CLTA: variants seen among roughly 807,000 people sequenced by gnomAD.
CLTA encodes clathrin light chain A, also known as clathrin, light polypeptide (Lca).
CLTA carries 9 observed loss-of-function variants against 26.9 expected under a neutral mutation model. The observed-to-expected ratio is 0.33, with a 90% CI of 0.20 to 0.58. CLTA has a LOEUF of 0.58. CLTA is among the 20% of genes least tolerant of loss of function. CLTA has a pLI of 0.85. For missense variants in CLTA, 278 were observed against 294.2 expected, an observed-to-expected ratio of 0.94 and a Z score of 0.40; for synonymous variants, 120 against 115.5, an observed-to-expected ratio of 1.04 and a Z score of -0.25.
intron 1 of CLTA, among the ~76,000 whole-genome samples, chr9:36,191,973 G>A (rs760080690): frequency 3.9e-5 from 6 of 152,196 alleles, no homozygotes; most frequent in Non-Finnish European, 7.3e-5. Flanking sequence ...ACCAATCAGG[G>A]AGGGATGAAG....
chr9:36,192,258 G>T (rs1004441000), intron 1 of CLTA, among the ~76,000 whole-genome samples: 1 of 152,192 alleles, frequency 6.6e-6, no homozygotes, highest in Non-Finnish European at 1.5e-5. Flanking sequence ...AGCCAGGTAG[G>T]TAACATATAC....
chr9:36,197,018 T>C (rs1404064432), intron 1 of CLTA, among the ~76,000 whole-genome samples: 1 of 152,008 alleles, frequency 6.6e-6, no homozygotes, highest in Non-Finnish European at 1.5e-5. Flanking sequence ...TACAAAAAAA[T>C]AGAAAAATTA....
At chr9:36,200,942 T>TA (rs1827367566) in intron 3 of CLTA, among the ~76,000 whole-genome samples, 1 of 152,232 alleles carries the variant, frequency 6.6e-6, no homozygotes, top group South Asian at 2.1e-4. Flanking sequence ...TGAGTATGCT[T>TA]AGAGGCAAGA....
At chr9:36,194,124 C>T (rs1303357448) in intron 1 of CLTA, among the ~76,000 whole-genome samples, 1 of 152,212 alleles carries the variant, frequency 6.6e-6, no homozygotes, top group African/African-American at 2.4e-5. Context: ...CTCCTGGGTT[C>T]AAGCAGTTAT....
intron 3 of CLTA, 126 bp from the exon 4 acceptor site, chr9:36,203,942 T>TC: frequency 3.0e-6 from 4 of 1,316,668 alleles, no homozygotes; most frequent in Non-Finnish European, 4.1e-6. Flanking sequence ...TCTACTCTTC[T>TC]CCCCCAACAG....
chr9:36,203,316 A>G (rs7036188), intron 3 of CLTA, among the ~76,000 whole-genome samples: 17,114 of 152,154 alleles, frequency 0.11, 1,074 homozygotes, highest in East Asian at 0.17. Context: ...ACTGTTAGCA[A>G]TGATCCCATA....
chr9:36,195,922 C>T (rs1238069719), intron 1 of CLTA, among the ~76,000 whole-genome samples: 1 of 151,706 alleles, frequency 6.6e-6, no homozygotes, highest in African/African-American at 2.4e-5. Flanking sequence ...AAGCCGAGAT[C>T]GCGCCAGTGT....
chr9:36,197,629 A>G, intron 2 of CLTA, 41 bp downstream of exon 2: 1 of 1,473,680 alleles, frequency 6.8e-7, no homozygotes, highest in Non-Finnish European at 9.4e-7. Context: ...AGTGATTGAG[A>G]ATCTTCCTTT....
At chr9:36,209,303 T>C in intron 4 of CLTA, 1 of 1,613,106 alleles carries the variant, frequency 6.2e-7, no homozygotes, top group East Asian at 2.2e-5. Context: ...AACCCTTCGC[T>C]GACGTGATTG....
intron 1 of CLTA, among the ~76,000 whole-genome samples, chr9:36,195,443 A>G (rs1826965739): frequency 6.6e-6 from 1 of 152,234 alleles, no homozygotes; most frequent in African/African-American, 2.4e-5. Context: ...AAAGAAGAAA[A>G]TCAGGTGTCG....
intron 3 of CLTA, among the ~76,000 whole-genome samples, chr9:36,200,028 C>T (rs746705958): frequency 3.3e-5 from 5 of 152,142 alleles, no homozygotes; most frequent in Non-Finnish European, 7.3e-5. Flanking sequence ...ATTTAATGTG[C>T]GTGGCCATCT....
chr9:36,195,562 C>T (rs1427795646), intron 1 of CLTA, among the ~76,000 whole-genome samples: 2 of 152,056 alleles, frequency 1.3e-5, no homozygotes, highest in Non-Finnish European at 2.9e-5. Context: ...TGATCAAGCA[C>T]AGTCCCTAGT....
chr9:36,192,990 T>G (rs1179597210), intron 1 of CLTA, among the ~76,000 whole-genome samples: 1 of 152,200 alleles, frequency 6.6e-6, no homozygotes, highest in Non-Finnish European at 1.5e-5. Flanking sequence ...TGCTCACGTT[T>G]GACAAAGAAA....
At chr9:36,197,873 C>A (rs936612193) in intron 2 of CLTA, among the ~76,000 whole-genome samples, 2 of 152,016 alleles carry the variant, frequency 1.3e-5, no homozygotes, top group Non-Finnish European at 2.9e-5. Context: ...AATACTAATA[C>A]TTTAAATAAT....
chr9:36,204,927 A>AGTC (rs1306158433), intron 4 of CLTA, among the ~76,000 whole-genome samples: 5 of 152,182 alleles, frequency 3.3e-5, no homozygotes, highest in Middle Eastern at 3.2e-3. Context: ...CTGAATAGTC[A>AGTC]ATCCATTCAC....
intron 3 of CLTA, among the ~76,000 whole-genome samples, chr9:36,203,078 C>G (rs544416137): frequency 2.0e-5 from 3 of 152,122 alleles, no homozygotes; most frequent in Non-Finnish European, 2.9e-5. Flanking sequence ...GATGATCCAC[C>G]TGCCTCGGCC....
At chr9:36,197,619 A>G (rs1827131242) in intron 2 of CLTA, 31 bp downstream of exon 2, 2 of 1,520,960 alleles carry the variant, frequency 1.3e-6, no homozygotes, top group East Asian at 2.3e-5. Context: ...GTTCATTGAT[A>G]GTGATTGAGA....
chr9:36,210,479 G>T (rs2132959532), intron 4 of CLTA: 1 of 1,277,802 alleles, frequency 7.8e-7, no homozygotes, highest in Non-Finnish European at 1.1e-6. Context: ...CAGCTGGGTG[G>T]CCAGCAAAGC....
chr9:36,192,621 T>G (rs552681183), intron 1 of CLTA, among the ~76,000 whole-genome samples: 2 of 152,114 alleles, frequency 1.3e-5, no homozygotes, highest in Non-Finnish European at 1.5e-5. Flanking sequence ...CATTGGGTGG[T>G]CTCTAACATT....
Sources: allele counts gnomAD v4.1 joint callset (sites outside exome capture counted in the v4.1 genomes callset), GRCh38; gene constraint gnomAD v4.1.1; transcripts MANE v1.5; gene names NCBI Gene and HGNC (gene_info 2026-07-23, HGNC 2026-07-21).